The following BIN1 variants were observed in gnomAD, a reference collection of about 807,000 sequenced individuals.
BIN1 encodes bridging integrator 1, also known as myc box-dependent-interacting protein 1.
BIN1 carries 53 observed loss-of-function variants against 82.0 expected under a neutral mutation model. The observed-to-expected ratio is 0.65, with a 90% CI of 0.52 to 0.81. The LOEUF (loss-of-function observed/expected upper bound fraction) is 0.81, where lower values mean the gene tolerates loss of function less well. BIN1 is among the 40% of genes least tolerant of loss of function. The probability of loss-of-function intolerance (pLI) is 0.00; values close to 1 mark genes in which losing one functional copy is unlikely to be tolerated. For missense variants in BIN1, 642 were observed against 784.4 expected (o/e 0.82, Z 2.17); for synonymous variants, 302 against 328.0 (o/e 0.92, Z 0.86).
chr2:127,095,444 G>A (rs552531660), intron 1 of BIN1, among the ~76,000 whole-genome samples: 25 of 152,334 alleles, frequency 1.6e-4, no homozygotes, highest in Middle Eastern at 6.8e-3. Context: ...CTGGCTCTGT[G>A]GGTTCACCTT....
At chr2:127,098,589 C>A (rs1558884497) in intron 1 of BIN1, among the ~76,000 whole-genome samples, 1 of 151,592 alleles carries the variant, frequency 6.6e-6, no homozygotes, top group East Asian at 1.9e-4. Flanking sequence ...TGACCCCAAT[C>A]CCACCCCACC....
At chr2:127,070,850 C>T (rs545249710) in intron 2 of BIN1, 34 bp from the exon 3 acceptor site, 241 of 1,601,694 alleles carry the variant, frequency 1.5e-4, no homozygotes, top group Non-Finnish European at 1.8e-4. Context: ...AGGTCAGGGA[C>T]TGGTGGCACA....
chr2:127,090,038 C>T lies in BIN1; in HGVS notation c.85-13332G>A, dbSNP rs1678714782. Among the ~76,000 whole-genome samples, 1 of 151,780 alleles carries T rather than the reference C, an allele frequency of 6.6e-6. No homozygotes were observed. ...TCCCCGCACCTGCCGCCCAGTGCAC[C>T]TGCTCCTGCGGCTCACAGTCCACTG... is the stretch of plus-strand genomic sequence containing the variant. On this transcript the variant is annotated intron_variant, in intron 1 of 18. Transcript: ENST00000316724. The surrounding 1 kb of genome is among the most constrained non-coding windows in gnomAD (Gnocchi z 6.4).
chr2:127,064,002 A>C lies in BIN1; in HGVS notation c.629T>G (p.Ile210Ser). ...CTCCTCAAACACCTTCTGGGCTTTG[A>C]TGAGCTCCTCCTCGGCCTGGGGGGC... ...LLRNQAEEEL[I>S]KAQKVFEEMN... The change falls in exon 8 of 19, where the codon ATC (isoleucine) becomes AGC (serine). Residue 210 changes from isoleucine to serine, a missense_variant. By Grantham distance (142) the Ile-to-Ser change is moderately radical (BLOSUM62 -2). Transcript: ENST00000316724. 1 of 1,613,860 alleles carries C rather than the reference A, an allele frequency of 6.2e-7. No homozygotes were observed. Among genetic ancestry groups the C allele is most frequent in the Non-Finnish European group, 8.5e-7 (1 of 1,179,990 alleles).
In BIN1 at chr2:127,057,668, CA is replaced by C; in HGVS notation, c.1003-68del. On this transcript the variant is annotated intron_variant, in intron 11 of 18. Transcript: ENST00000316724. The surrounding 1 kb of genome is among the most constrained non-coding windows in gnomAD (Gnocchi z 5.0). ...AGCAGAGCACGGGGTTTGGGGGAGA[CA>C]GACAGAGACAAAGCCACGGTTAGTC... 5 of 1,440,686 alleles carry C rather than the reference CA, an allele frequency of 3.5e-6. No individual in the cohort carries two copies. The highest frequency in any genetic ancestry group is 4.6e-6 in the Non-Finnish European group (5 of 1,092,244). 89.2% of individuals were successfully genotyped at this position (1,440,686 alleles called of 1,614,324 possible). A position where few individuals can be genotyped will look rare whatever the true frequency, so the allele number is the denominator to read the frequency against.
At chr2:127,087,772 C>A (rs78249260) in intron 1 of BIN1, among the ~76,000 whole-genome samples, 2,792 of 152,250 alleles carry the variant, frequency 0.018, 83 homozygotes, top group East Asian at 0.06. Flanking sequence ...CACGGCCCAC[C>A]GCTACCAAGC....
intron 1 of BIN1, among the ~76,000 whole-genome samples, chr2:127,085,425 C>T (rs1678002484): frequency 6.6e-6 from 1 of 152,202 alleles, no homozygotes; most frequent in African/African-American, 2.4e-5. Context: ...AGCACAAGCT[C>T]GGCCATGTAC....
At position 127,067,068 on chromosome 2, in the gene BIN1, CA is replaced by C. The variant is rs5834162; in HGVS notation, c.612+1094del. On this transcript the variant is annotated intron_variant, in intron 7 of 18. Transcript: ENST00000316724. This position sits in a 1 kb window ranked among gnomAD's most constrained non-coding sequence, Gnocchi z 4.7. ...CCAGGGGAACGGAGAGAAACCCGTT[CA>C]AAAAAAAAAAAAAAATAGAAAAAGA... Among the ~76,000 whole-genome samples, 53,213 of 115,164 alleles carry C rather than the reference CA, an allele frequency of 0.46. 11,145 individuals are homozygous for C. Among genetic ancestry groups the C allele is most frequent in the African/African-American group, 0.66 (22,195 of 33,542 alleles). The allele number at this position is 115,164 out of a possible 152,430, so 75.6% of individuals were successfully genotyped here. A position where few individuals can be genotyped will look rare whatever the true frequency, so the allele number is the denominator to read the frequency against.
rs1244495174 is a variant in BIN1, at chr2:127,082,500, G to A, written c.85-5794C>T. On this transcript the variant is annotated intron_variant, in intron 1 of 18. Coordinates refer to ENST00000316724, the MANE Select transcript of BIN1 (RefSeq NM_139343.3). This position sits in a 1 kb window ranked among gnomAD's most constrained non-coding sequence, Gnocchi z 6.1. The stretch of plus-strand genomic sequence containing the variant: ...GGCCATGGTGGGCGCCCAGGCAGGG[G>A]AAGGGGTACAAGGCCCTCTGCCTCC... 6.6e-6 allele frequency among the ~76,000 whole-genome samples: 1 copy of A among 152,036 alleles called. No individual in the cohort carries two copies. The highest frequency in any genetic ancestry group is 2.4e-5 in the African/African-American group (1 of 41,396).
intron 14 of BIN1, 28 bp from the exon 15 acceptor site, chr2:127,052,390 G>A: frequency 6.4e-7 from 1 of 1,551,916 alleles, no homozygotes; most frequent in South Asian, 1.2e-5. Context: ...GGAGAGAACA[G>A]GGAGGGGGCG....
At chr2:127,049,029 G>A (rs730306) in intron 18 of BIN1, among the ~76,000 whole-genome samples, 3 of 152,128 alleles carry the variant, frequency 2.0e-5, no homozygotes, top group South Asian at 2.1e-4. Context: ...CTCCAACTTC[G>A]ACTTGCCCTT....
intron 1 of BIN1, among the ~76,000 whole-genome samples, chr2:127,084,427 G>A (rs1441075794): frequency 1.3e-5 from 2 of 152,198 alleles, no homozygotes; most frequent in African/African-American, 4.8e-5. Flanking sequence ...TTTCGGACAC[G>A]TCCTCATTCA....
chr2:127,060,699 T>C (rs1684334112), intron 10 of BIN1: 1 of 1,604,028 alleles, frequency 6.2e-7, no homozygotes, highest in Non-Finnish European at 8.5e-7. Flanking sequence ...GGTGCAGAAC[T>C]GGCCTGTCCC....
intron 1 of BIN1, among the ~76,000 whole-genome samples, chr2:127,103,867 TCA>T (rs1680674974): frequency 6.6e-6 from 1 of 152,206 alleles, no homozygotes; most frequent in South Asian, 2.1e-4. Flanking sequence ...GAAGATGACC[TCA>T]CGGCGCCCAC....
chr2:127,068,869 C>A lies in BIN1; in HGVS notation c.519+55G>T. 1 of 1,534,550 alleles carries A rather than the reference C, an allele frequency of 6.5e-7. No individual in the cohort carries two copies. The highest frequency in any genetic ancestry group is 9.0e-7 in the Non-Finnish European group (1 of 1,109,202). On this transcript the variant is annotated intron_variant, in intron 6 of 18. Coordinates refer to ENST00000316724, the MANE Select transcript of BIN1 (RefSeq NM_139343.3). The surrounding 1 kb of genome is among the most constrained non-coding windows in gnomAD (Gnocchi z 4.9). ...GCCTCCACCCTCGGGGTCCTAGACACCCGCCCTCTCTCAGCCCCCTGCAGA... is the reference window on the plus strand; with the variant it reads ...GCCTCCACCCTCGGGGTCCTAGACAACCGCCCTCTCTCAGCCCCCTGCAGA...
In BIN1 at chr2:127,081,898, G is replaced by A. The variant is rs11682128; in HGVS notation, c.85-5192C>T. 428,377 of 1,277,064 alleles carry A rather than the reference G, an allele frequency of 0.34. 73,028 individuals are homozygous for A. The highest frequency in any genetic ancestry group is 0.34 in the Non-Finnish European group (338,835 of 982,784). The allele number at this position is 1,277,064 out of a possible 1,614,324, so 79.1% of individuals were successfully genotyped here. ...CGGGCTGAGAAGTGAGCCCTGTCTC[G>A]CCCCTTCCTCCCAGCAGAGCCTGCG... On this transcript the variant is annotated intron_variant, in intron 1 of 18. Transcript: ENST00000316724.
At chr2:127,098,630 G>A (rs964491976) in intron 1 of BIN1, among the ~76,000 whole-genome samples, 1 of 151,380 alleles carries the variant, frequency 6.6e-6, no homozygotes, top group South Asian at 2.1e-4. Flanking sequence ...AGGTCACAAC[G>A]GGGGCCGAAG....
intron 2 of BIN1, among the ~76,000 whole-genome samples, chr2:127,074,474 C>A (rs1686338434): frequency 6.6e-6 from 1 of 152,238 alleles, no homozygotes; most frequent in South Asian, 2.1e-4. Context: ...GCCCAGCAGC[C>A]ACCTGGCAGC....
At position 127,076,564 on chromosome 2, in the gene BIN1, A is replaced by G. The variant is rs1686641741; in HGVS notation, c.165+62T>C. ...GTACTCCACAAATTCAGCTCGTGCC[A>G]TTTTTCACCTGGCAGCCGAATTTTC... On this transcript the variant is annotated intron_variant, in intron 2 of 18. Transcript: ENST00000316724. 90 of 1,596,082 alleles carry G rather than the reference A, an allele frequency of 5.6e-5. 1 individual carries two copies. In the South Asian group the frequency reaches 8.9e-4, roughly 16 times the overall value.
Sources: gnomAD v4.1 joint callset for allele counts (sites outside exome capture counted in the v4.1 genomes callset) on GRCh38, gnomAD v4.1.1 for gene constraint, Gnocchi (gnomAD v3.1) non-coding constraint, MANE v1.5 for transcripts, NCBI Gene and HGNC (gene_info 2026-07-23, HGNC 2026-07-21) for gene names.